The following CTNND2 variants were observed in gnomAD, a reference collection of about 807,000 sequenced individuals.
The protein encoded by CTNND2 is catenin delta-2.
CTNND2 carries 22 observed loss-of-function variants against 144.4 expected under a neutral mutation model. The observed-to-expected ratio is 0.15, with a 90% CI of 0.11 to 0.22. The LOEUF is 0.22. CTNND2 is among the 10% of genes least tolerant of loss of function. The pLI is 1.00. For missense variants in CTNND2, 1,353 were observed against 1,618.8 expected, an observed-to-expected ratio of 0.84 and a Z score of 2.82; for synonymous variants, 751 against 695.6, an observed-to-expected ratio of 1.08 and a Z score of -1.25.
intron 2 of CTNND2, among the ~76,000 whole-genome samples, chr5:11,583,103 G>A (rs1778566469): frequency 6.6e-6 from 1 of 152,206 alleles, no homozygotes; most frequent in Admixed American, 6.5e-5. Flanking sequence ...AAAATTGACA[G>A]GGATAGACTC....
intron 1 of CTNND2, among the ~76,000 whole-genome samples, chr5:11,878,804 T>C (rs1335420443): frequency 6.6e-6 from 1 of 152,118 alleles, no homozygotes; most frequent in Admixed American, 6.5e-5. Context: ...AGAAAAAGCA[T>C]CCAAAGAGAG....
intron 8 of CTNND2, among the ~76,000 whole-genome samples, chr5:11,361,815 G>A (rs1012166901): frequency 1.3e-5 from 2 of 152,148 alleles, no homozygotes; most frequent in African/African-American, 2.4e-5. Flanking sequence ...TTCCCTAACT[G>A]TTGAGGCATG....
chr5:11,633,110 AT>A (rs1184844682), intron 2 of CTNND2, among the ~76,000 whole-genome samples: 3 of 152,256 alleles, frequency 2.0e-5, no homozygotes, highest in Non-Finnish European at 4.4e-5. Context: ...AACTTCCCAT[AT>A]TCAATGGGAA....
intron 1 of CTNND2, among the ~76,000 whole-genome samples, chr5:11,734,665 G>T (rs1201629026): frequency 6.6e-6 from 1 of 152,110 alleles, no homozygotes; most frequent in Non-Finnish European, 1.5e-5. Flanking sequence ...AATATTAAAA[G>T]ATATTTTCTA....
At chr5:11,400,057 T>C (rs754139021) in intron 5 of CTNND2, among the ~76,000 whole-genome samples, 8 of 152,232 alleles carry the variant, frequency 5.3e-5, no homozygotes, top group Non-Finnish European at 8.8e-5. Flanking sequence ...TGCAATGAGG[T>C]AGAAAATACA....
At chr5:11,066,044 T>A (rs993074641) in intron 16 of CTNND2, among the ~76,000 whole-genome samples, 2 of 10,526 alleles carry the variant, frequency 1.9e-4, no homozygotes, top group African/African-American at 2.3e-3. Flanking sequence ...ATCTTTTATC[T>A]TTTTTTTTTT....
chr5:11,173,823 C>A (rs770707418), intron 11 of CTNND2, among the ~76,000 whole-genome samples: 7 of 152,154 alleles, frequency 4.6e-5, no homozygotes, highest in Non-Finnish European at 7.3e-5. Context: ...GCATTCACAG[C>A]GATGTGCAGC....
intron 16 of CTNND2, among the ~76,000 whole-genome samples, chr5:11,072,756 C>T (rs1748468969): frequency 6.6e-6 from 1 of 152,242 alleles, no homozygotes; most frequent in Non-Finnish European, 1.5e-5. Context: ...AGACCAGCAT[C>T]CCATATCCGG....
intron 3 of CTNND2, among the ~76,000 whole-genome samples, chr5:11,542,273 G>A (rs1157516924): frequency 2.6e-5 from 4 of 152,116 alleles, no homozygotes; most frequent in Non-Finnish European, 5.9e-5. Context: ...GGTTAGAATA[G>A]AAAATTATAA....
At chr5:11,144,820 T>C (rs1361793243) in intron 12 of CTNND2, among the ~76,000 whole-genome samples, 1 of 152,006 alleles carries the variant, frequency 6.6e-6, no homozygotes, top group Non-Finnish European at 1.5e-5. Flanking sequence ...CCTAAGGAAA[T>C]AGATGTGTGT....
intron 12 of CTNND2, among the ~76,000 whole-genome samples, chr5:11,158,566 ATT>A (rs1758450350): frequency 6.6e-6 from 1 of 152,140 alleles, no homozygotes; most frequent in South Asian, 2.1e-4. Context: ...GTGCACACAC[ATT>A]TCACACAAAC....
chr5:11,386,655 A>AAATATT (rs1467308270), intron 6 of CTNND2, among the ~76,000 whole-genome samples: 1 of 152,214 alleles, frequency 6.6e-6, no homozygotes. Context: ...TATATATTTT[A>AAATATT]AATATTCTCA....
At chr5:11,579,053 T>C (rs1022908948) in intron 2 of CTNND2, among the ~76,000 whole-genome samples, 3 of 152,170 alleles carry the variant, frequency 2.0e-5, no homozygotes, top group Admixed American at 2.0e-4. Flanking sequence ...AGCAGCTTAA[T>C]GATTTGAACA....
intron 9 of CTNND2, among the ~76,000 whole-genome samples, chr5:11,300,450 G>A (rs1470420624): frequency 6.6e-6 from 1 of 152,088 alleles, no homozygotes; most frequent in Non-Finnish European, 1.5e-5. Context: ...CAGCTTCCTT[G>A]TCAGGGCTCC....
At chr5:11,619,916 C>G (rs1025319856) in intron 2 of CTNND2, among the ~76,000 whole-genome samples, 2 of 152,146 alleles carry the variant, frequency 1.3e-5, no homozygotes, top group African/African-American at 4.8e-5. Flanking sequence ...ACCTTATTAT[C>G]TGACCTGTGA....
intron 20 of CTNND2, among the ~76,000 whole-genome samples, chr5:10,984,718 T>A (rs1052624738): frequency 6.6e-6 from 1 of 152,222 alleles, no homozygotes; most frequent in African/African-American, 2.4e-5. Context: ...TCTATTTTTC[T>A]AACAGCCCCC....
At chr5:11,699,433 A>T (rs1785313818) in intron 2 of CTNND2, among the ~76,000 whole-genome samples, 1 of 152,178 alleles carries the variant, frequency 6.6e-6, no homozygotes, top group African/African-American at 2.4e-5. Context: ...AGAGGGAAAT[A>T]AGATTATTTA....
intron 1 of CTNND2, among the ~76,000 whole-genome samples, chr5:11,764,122 A>G (rs1171995059): frequency 6.6e-6 from 1 of 152,148 alleles, no homozygotes; most frequent in Non-Finnish European, 1.5e-5. Flanking sequence ...AGAGTCAGGA[A>G]GGAGATGTGA....
chr5:11,179,094 T>C (rs1760755015), intron 11 of CTNND2, among the ~76,000 whole-genome samples: 1 of 152,054 alleles, frequency 6.6e-6, no homozygotes, highest in Non-Finnish European at 1.5e-5. Context: ...ATGGACACAT[T>C]TCAAGGCAAA....
Sources: gnomAD v4.1 joint callset for allele counts (sites outside exome capture counted in the v4.1 genomes callset) on GRCh38, gnomAD v4.1.1 for gene constraint, MANE v1.5 for transcripts, NCBI Gene and HGNC (gene_info 2026-07-23, HGNC 2026-07-21) for gene names.